The following KHDRBS2 variants were observed in gnomAD, a reference collection of about 807,000 sequenced individuals.
KHDRBS2 encodes KH domain-containing, RNA-binding, signal transduction-associated protein 2.
A neutral mutation model predicts 44.3 loss-of-function variants in KHDRBS2; 26 were observed. The observed-to-expected ratio is 0.59, with a 90% CI of 0.43 to 0.81. The LOEUF is 0.81. Ranked by LOEUF, KHDRBS2 falls within the 40% of genes least tolerant of loss-of-function variation. KHDRBS2 has a pLI of 0.00. For missense variants in KHDRBS2, 476 were observed against 433.1 expected, an observed-to-expected ratio of 1.10 and a Z score of -0.88; for synonymous variants, 194 against 151.1, an observed-to-expected ratio of 1.28 and a Z score of -2.08.
chr6:62,015,717 T>C (rs1253386781), intron 3 of KHDRBS2, among the ~76,000 whole-genome samples: 8 of 152,176 alleles, frequency 5.3e-5, no homozygotes, highest in East Asian at 1.9e-4. Context: ...CATATAGATA[T>C]AAAATGTTTG....
intron 7 of KHDRBS2, among the ~76,000 whole-genome samples, chr6:61,719,837 T>A (rs983137307): frequency 2.0e-5 from 3 of 152,064 alleles, no homozygotes; most frequent in African/African-American, 7.2e-5. Context: ...TGCAGGTTAG[T>A]TACATATGTA....
intron 2 of KHDRBS2, among the ~76,000 whole-genome samples, chr6:62,060,387 G>C (rs116003897): frequency 4.6e-5 from 7 of 151,776 alleles, no homozygotes; most frequent in African/African-American, 1.7e-4. Flanking sequence ...TTGAGGATTG[G>C]AAGACTACAC....
chr6:61,992,813 A>G (rs1339945269), intron 3 of KHDRBS2, among the ~76,000 whole-genome samples: 1 of 152,094 alleles, frequency 6.6e-6, no homozygotes, highest in East Asian at 1.9e-4. Context: ...CAGAAATTTG[A>G]CCTCTTAAAT....
At chr6:61,855,478 GT>G (rs1299645480) in intron 6 of KHDRBS2, among the ~76,000 whole-genome samples, 4 of 104,418 alleles carry the variant, frequency 3.8e-5, no homozygotes, top group African/African-American at 1.4e-4. Flanking sequence ...AATTTTAGAT[GT>G]GTGTGTATAT....
chr6:61,798,012 C>G (rs1365754965), intron 6 of KHDRBS2, among the ~76,000 whole-genome samples: 1 of 151,888 alleles, frequency 6.6e-6, no homozygotes, highest in Non-Finnish European at 1.5e-5. Context: ...AACCCTCACC[C>G]TCCTCCCACC....
At chr6:62,283,990 C>A (rs145249674) in intron 1 of KHDRBS2, among the ~76,000 whole-genome samples, 1 of 152,130 alleles carries the variant, frequency 6.6e-6, no homozygotes, top group East Asian at 1.9e-4. Context: ...CCTTCTAATT[C>A]TTTACAAAAG....
At chr6:62,153,316 G>T (rs1815631203) in intron 2 of KHDRBS2, among the ~76,000 whole-genome samples, 1 of 152,068 alleles carries the variant, frequency 6.6e-6, no homozygotes, top group African/African-American at 2.4e-5. Flanking sequence ...TCTGTTTATT[G>T]TAAAATAAAA....
chr6:62,199,833 T>C (rs1826537758), intron 1 of KHDRBS2, among the ~76,000 whole-genome samples: 2 of 152,122 alleles, frequency 1.3e-5, no homozygotes, highest in Non-Finnish European at 2.9e-5. Context: ...GACTTCAAAC[T>C]ATACTACAAG....
intron 2 of KHDRBS2, among the ~76,000 whole-genome samples, chr6:62,055,585 A>T (rs1562739295): frequency 6.6e-6 from 1 of 152,024 alleles, no homozygotes. Flanking sequence ...ATCCAGAGAA[A>T]TCTTGGCACA....
rs539049122 is a variant in KHDRBS2, at chr6:61,824,285, G to A, written c.810+70350C>T. Among the ~76,000 whole-genome samples the A allele has an allele frequency of 4.6e-5, 7 of 152,156 alleles. No homozygotes were observed. In the East Asian group the frequency reaches 1.4e-3, roughly 29 times the overall value. ...GGATCATGAAGGTGTTTTTCTAATG[G>A]TTTTGAACCATCCCCCTTGTGCTGT... is the stretch of plus-strand genomic sequence containing the variant. On this transcript the variant is annotated intron_variant, in intron 6 of 8. Transcript: ENST00000281156.
At chr6:61,843,171 C>T (rs1020692383) in intron 6 of KHDRBS2, among the ~76,000 whole-genome samples, 4 of 151,498 alleles carry the variant, frequency 2.6e-5, no homozygotes, top group African/African-American at 4.9e-5. Context: ...GGATTGGGGG[C>T]GGTGGAGGAG....
chr6:61,955,539 TATACAC>T lies in KHDRBS2; in HGVS notation c.483+22521_483+22526del, dbSNP rs1332938746. On this transcript the variant is annotated intron_variant, in intron 4 of 8. Coordinates refer to ENST00000281156, the MANE Select transcript of KHDRBS2 (RefSeq NM_152688.4). ...ATGTATGTATGTATACATGTGTATA[TATACAC>T]ATATGTATGTATACATGTGTATATA... is the stretch of plus-strand genomic sequence containing the variant. 1.7e-4 allele frequency among the ~76,000 whole-genome samples: 10 copies of T among 58,800 alleles called. 1 individual carries two copies. Among genetic ancestry groups the T allele is most frequent in the African/African-American group, 4.9e-4 (7 of 14,386 alleles). The allele number at this position is 58,800 out of a possible 152,430, so 38.6% of individuals were successfully genotyped here. A position where few individuals can be genotyped will look rare whatever the true frequency, so the allele number is the denominator to read the frequency against.
the KHDRBS2 span, among the ~76,000 whole-genome samples, chr6:61,616,501 T>C: frequency 6.8e-6 from 1 of 148,130 alleles, no homozygotes; most frequent in South Asian, 2.1e-4. Context: ...ATATATATAA[T>C]GCTATTGCTT....
chr6:61,818,654 G>A (rs1230994620), intron 6 of KHDRBS2, among the ~76,000 whole-genome samples: 1 of 151,998 alleles, frequency 6.6e-6, no homozygotes, highest in Non-Finnish European at 1.5e-5. Flanking sequence ...TTGAAAATGT[G>A]TGCCTCTTTT....
intron 1 of KHDRBS2, among the ~76,000 whole-genome samples, chr6:62,212,626 G>A (rs1563073064): frequency 6.6e-6 from 1 of 152,138 alleles, no homozygotes; most frequent in Non-Finnish European, 1.5e-5. Context: ...AGCAAAGAGA[G>A]AATGCCATGT....
At chr6:61,825,133 C>G (rs1249760125) in intron 6 of KHDRBS2, among the ~76,000 whole-genome samples, 1 of 151,964 alleles carries the variant, frequency 6.6e-6, no homozygotes, top group Non-Finnish European at 1.5e-5. Context: ...TAGACAAAAG[C>G]ATGTAGAAAA....
At chr6:61,998,331 C>T (rs1220758282) in intron 3 of KHDRBS2, among the ~76,000 whole-genome samples, 1 of 152,220 alleles carries the variant, frequency 6.6e-6, no homozygotes, top group East Asian at 1.9e-4. Flanking sequence ...ACATTTTACT[C>T]ATACTATAAT....
intron 3 of KHDRBS2, among the ~76,000 whole-genome samples, chr6:62,035,154 A>G (rs1785050016): frequency 6.6e-6 from 1 of 152,018 alleles, no homozygotes. Flanking sequence ...TACCCTAACA[A>G]AAAGGAATCA....
chr6:61,705,046 C>T (rs9351030), intron 7 of KHDRBS2, among the ~76,000 whole-genome samples: 53,588 of 151,572 alleles, frequency 0.35, 10,297 homozygotes, highest in East Asian at 0.48. Context: ...TAATTCTGGG[C>T]TAACTTCACT....
Sources: allele counts gnomAD v4.1 joint callset (sites outside exome capture counted in the v4.1 genomes callset), GRCh38; gene constraint gnomAD v4.1.1; transcripts MANE v1.5; gene names NCBI Gene and HGNC (gene_info 2026-07-23, HGNC 2026-07-21).